The following ERLIN2 variants were observed in gnomAD, a reference collection of about 807,000 sequenced individuals.
ERLIN2 encodes ER lipid raft associated 2.
Under a neutral mutation model 41.5 loss-of-function variants are expected in ERLIN2, and 22 were observed. The ratio of observed to expected loss-of-function variants is 0.53; its 90% CI spans 0.38 to 0.76. The LOEUF (loss-of-function observed/expected upper bound fraction) is 0.76, where lower values mean the gene tolerates loss of function less well. ERLIN2 is among the 30% of genes least tolerant of loss of function. The pLI is 0.00. For synonymous variants in ERLIN2, 149 were observed against 150.9 expected, an observed-to-expected ratio of 0.99 and a Z score of 0.09; for missense variants, 247 against 414.3, an observed-to-expected ratio of 0.60 and a Z score of 3.51.
intron 6 of ERLIN2, chr8:37,744,969 G>C: frequency 1.6e-6 from 1 of 617,154 alleles, no homozygotes. Context: ...GGCTGGAGTG[G>C]AAATGTGTTC....
At chr8:37,744,109 T>C (rs1802951413) in intron 4 of ERLIN2, among the ~76,000 whole-genome samples, 1 of 152,238 alleles carries the variant, frequency 6.6e-6, no homozygotes, top group South Asian at 2.1e-4. Context: ...TCTTTCGTAC[T>C]GGTCCCCAAA....
At chr8:37,746,916 T>A (rs1025443603) in intron 6 of ERLIN2, among the ~76,000 whole-genome samples, 5 of 152,208 alleles carry the variant, frequency 3.3e-5, no homozygotes, top group African/African-American at 1.2e-4. Flanking sequence ...TGACTTGCTA[T>A]ACCTAAATAT....
chr8:37,737,929 C>T lies in ERLIN2; in HGVS notation c.7C>T (p.Gln3Ter). ...CTAGGATAAAGGCTCACTGATGGCT[C>T]AGTTGGGAGCAGTTGTGGCTGTGGC... The part of the protein sequence containing the change: MA[Q>*]LGAVVAVASS... Residue 3 changes from glutamine to a stop codon, truncating the protein, a stop_gained, in exon 2 of 12, where the codon CAG (glutamine) becomes TAG (stop). Coordinates refer to ENST00000519638, the MANE Select transcript of ERLIN2 (RefSeq NM_007175.8). LOFTEE classifies it high-confidence loss of function. The T allele has an allele frequency of 1.2e-6, 2 of 1,614,192 alleles. No homozygotes were observed. Among genetic ancestry groups the T allele is most frequent in the Non-Finnish European group, 1.7e-6 (2 of 1,180,038 alleles).
chr8:37,744,970 A>T, intron 6 of ERLIN2: 3 of 616,852 alleles, frequency 4.9e-6, no homozygotes, highest in Non-Finnish European at 8.7e-6. Flanking sequence ...GCTGGAGTGG[A>T]AATGTGTTCC....
intron 6 of ERLIN2, chr8:37,747,973 C>T: frequency 6.2e-7 from 1 of 1,614,210 alleles, no homozygotes; most frequent in Non-Finnish European, 8.5e-7. Flanking sequence ...AGTGTCAGAG[C>T]AGACTACTGA....
chr8:37,751,806 G>T (rs1803224513), intron 10 of ERLIN2, 91 bp downstream of exon 10: 2 of 939,060 alleles, frequency 2.1e-6, no homozygotes, highest in Admixed American at 3.7e-5. Context: ...CCCTTTAACT[G>T]TGCTCAAGGA....
In ERLIN2 at chr8:37,741,973, G is replaced by A. The variant is rs1802865348; in HGVS notation, c.236+155G>A. Among the ~76,000 whole-genome samples, 1 of 152,184 alleles carries A rather than the reference G, an allele frequency of 6.6e-6. No homozygotes were observed. Among genetic ancestry groups the A allele is most frequent in the Admixed American group, 6.5e-5 (1 of 15,278 alleles). ...TATTGATTTGACCAGGTGATGGAGT[G>A]CAGTAGAGGAAATCATAGAAGGTTC... On this transcript the variant is annotated intron_variant, in intron 4 of 11. Coordinates refer to ENST00000519638, the MANE Select transcript of ERLIN2 (RefSeq NM_007175.8). The surrounding 1 kb of genome is among the most constrained non-coding windows in gnomAD (Gnocchi z 4.8).
At chr8:37,740,477 G>A (rs373740725) in intron 3 of ERLIN2, 31 bp downstream of exon 3, 121 of 1,551,350 alleles carry the variant, frequency 7.8e-5, no homozygotes, top group Middle Eastern at 1.7e-4. Flanking sequence ...ATGGCTGGAC[G>A]ACTGCAAACT....
intron 2 of ERLIN2, among the ~76,000 whole-genome samples, chr8:37,740,010 C>T (rs1802794674): frequency 6.6e-6 from 1 of 152,008 alleles, no homozygotes; most frequent in African/African-American, 2.4e-5. Context: ...GACAGGGTCT[C>T]ACTATTTGAG....
chr8:37,753,870 A>C (rs1803291142), intron 11 of ERLIN2, 45 bp from the exon 12 acceptor site: 3 of 1,557,422 alleles, frequency 1.9e-6, no homozygotes, highest in Middle Eastern at 1.7e-4. Context: ...TCCTTCTCTA[A>C]TATGGTTCAA....
chr8:37,756,619 T>C lies in ERLIN2; in HGVS notation c.*2504T>C, dbSNP rs1253569057. On this transcript the variant is annotated 3_prime_UTR_variant, in exon 12 of 12. Transcript: ENST00000519638. The stretch of plus-strand genomic sequence containing the variant: ...GTGTCAATCCAATGGTTGTCTCTTA[T>C]CTGTCTAAATAGCAAAATCATGAAA... 2.6e-5 allele frequency: 4 copies of C among 152,628 alleles called. No individual in the cohort carries two copies. The highest frequency in any genetic ancestry group is 1.3e-4 in the Admixed American group (2 of 15,288). The allele number at this position is 152,628 out of a possible 1,614,324, so 9.5% of individuals were successfully genotyped here.
chr8:37,740,305 T>C, intron 2 of ERLIN2, 60 bp from the exon 3 acceptor site: 1 of 1,147,794 alleles, frequency 8.7e-7, no homozygotes, highest in South Asian at 1.2e-5. Context: ...CTCATGATAT[T>C]GATCTAACAG....
chr8:37,744,774 G>C, intron 6 of ERLIN2, 78 bp downstream of exon 6: 1 of 1,521,516 alleles, frequency 6.6e-7, no homozygotes, highest in Non-Finnish European at 9.1e-7. Context: ...CCTAAAGCCT[G>C]GCTGCCTGCA....
rs1269106846 is a variant in ERLIN2, at chr8:37,754,574, G to A, written c.*459G>A. On this transcript the variant is annotated 3_prime_UTR_variant, in exon 12 of 12. Transcript: ENST00000519638. ...TGAGCAAATATGTGCCTGTGAGTTT[G>A]CCAGTAGAGCTGTGAAGAAACAGCT... 4.4e-6 allele frequency: 1 copy of A among 227,334 alleles called. No individual in the cohort carries two copies. Among genetic ancestry groups the A allele is most frequent in the South Asian group, 6.7e-5 (1 of 15,026 alleles). The allele number at this position is 227,334 out of a possible 1,614,324, so 14.1% of individuals were successfully genotyped here. A position where few individuals can be genotyped will look rare whatever the true frequency, so the allele number is the denominator to read the frequency against.
At chr8:37,752,657 A>G (rs757522791) in intron 10 of ERLIN2, among the ~76,000 whole-genome samples, 2 of 152,214 alleles carry the variant, frequency 1.3e-5, no homozygotes, top group African/African-American at 2.4e-5. Flanking sequence ...TCTCCCAGGC[A>G]TGTTGCTACA....
Position 37,747,506 on chromosome 8 carries a change from C to G in ERLIN2, c.425-2053C>G, listed in dbSNP as rs754879677. ...GCAACTTCCCTAGCCTCAATCTCCT[C>G]TTCCTCTTCATCAATGGTAGACACA... is the stretch of plus-strand genomic sequence containing the variant. On this transcript the variant is annotated intron_variant, in intron 6 of 11. Transcript: ENST00000519638. 1.1e-5 allele frequency: 17 copies of G among 1,612,478 alleles called. No individual in the cohort carries two copies. The Admixed American group carries it at 2.8e-4, about 27-fold the overall frequency.
intron 1 of ERLIN2, chr8:37,737,222 C>T (rs1285994751): frequency 6.3e-6 from 1 of 157,958 alleles, no homozygotes; most frequent in African/African-American, 2.4e-5. Context: ...CAGTTTGGGA[C>T]ATTGCCTTTC....
At chr8:37,737,790 G>A in intron 1 of ERLIN2, 118 bp from the exon 2 acceptor site, 2 of 1,183,962 alleles carry the variant, frequency 1.7e-6, no homozygotes, top group South Asian at 1.3e-5. Context: ...GTGTTCACAC[G>A]ACACCAGGCT....
At chr8:37,747,138 T>A (rs1024726289) in intron 6 of ERLIN2, among the ~76,000 whole-genome samples, 4 of 150,996 alleles carry the variant, frequency 2.6e-5, no homozygotes, top group African/African-American at 9.8e-5. Context: ...GAAAAAAAAT[T>A]AGAGAAAAAT....
Sources: gnomAD v4.1 joint callset for allele counts (sites outside exome capture counted in the v4.1 genomes callset) on GRCh38, gnomAD v4.1.1 for gene constraint, Gnocchi (gnomAD v3.1) non-coding constraint, MANE v1.5 for transcripts, NCBI Gene and HGNC (gene_info 2026-07-23, HGNC 2026-07-21) for gene names.